The following SUPT3H variants were observed in gnomAD, a reference collection of about 807,000 sequenced individuals.
SUPT3H encodes transcription initiation protein SPT3 homolog.
Under a neutral mutation model 44.3 loss-of-function variants are expected in SUPT3H, and 44 were observed. The observed-to-expected ratio is 0.99, with a 90% confidence interval of 0.78 to 1.28. SUPT3H has a LOEUF of 1.28. Among genes scored for constraint, SUPT3H ranks in the 50% most tolerant of loss-of-function variants. The pLI is 0.00. For missense variants in SUPT3H, 380 were observed against 387.1 expected, an observed-to-expected ratio of 0.98 and a Z score of 0.15; for synonymous variants, 124 against 125.6, an observed-to-expected ratio of 0.99 and a Z score of 0.09.
At chr6:45,072,196 C>T (rs1794478544) in intron 3 of SUPT3H, among the ~76,000 whole-genome samples, 1 of 152,068 alleles carries the variant, frequency 6.6e-6, no homozygotes, top group Non-Finnish European at 1.5e-5. Context: ...AGTCAGACTC[C>T]TAAAACAATG....
intron 2 of SUPT3H, among the ~76,000 whole-genome samples, chr6:45,290,492 A>T (rs1780143236): frequency 6.7e-6 from 1 of 150,220 alleles, no homozygotes; most frequent in East Asian, 2.0e-4. Flanking sequence ...TAGGGAGTGG[A>T]ATGGAAGAGA....
chr6:44,890,155 C>T (rs1416512005), intron 10 of SUPT3H, among the ~76,000 whole-genome samples: 6 of 151,072 alleles, frequency 4.0e-5, no homozygotes, highest in East Asian at 1.9e-4. Context: ...TTTTACACTG[C>T]TGGTGGGACT....
At chr6:45,280,026 C>T (rs1446699855) in intron 2 of SUPT3H, among the ~76,000 whole-genome samples, 3 of 152,148 alleles carry the variant, frequency 2.0e-5, no homozygotes, top group African/African-American at 7.2e-5. Flanking sequence ...TATTTTCAAT[C>T]CCCACATCCA....
intron 2 of SUPT3H, among the ~76,000 whole-genome samples, chr6:45,283,421 G>A (rs1253877435): frequency 2.0e-5 from 3 of 151,956 alleles, no homozygotes; most frequent in Admixed American, 6.6e-5. Context: ...ACAAAAAAAG[G>A]CAGGGGTTGC....
chr6:45,204,006 G>A (rs926519103), intron 2 of SUPT3H, among the ~76,000 whole-genome samples: 1 of 152,154 alleles, frequency 6.6e-6, no homozygotes, highest in African/African-American at 2.4e-5. Context: ...CCAGCACTTT[G>A]GGAGGCCGAA....
chr6:44,886,160 G>A (rs1039043497), intron 10 of SUPT3H, among the ~76,000 whole-genome samples: 4 of 152,148 alleles, frequency 2.6e-5, no homozygotes, highest in African/African-American at 7.2e-5. Context: ...TGAAAGTGAC[G>A]GGGGAGAATG....
At chr6:44,892,722 T>A (rs1171066806) in intron 10 of SUPT3H, among the ~76,000 whole-genome samples, 1 of 152,160 alleles carries the variant, frequency 6.6e-6, no homozygotes, top group South Asian at 2.1e-4. Flanking sequence ...GAAGCCCACA[T>A]AGGTCAAGTG....
intron 2 of SUPT3H, among the ~76,000 whole-genome samples, chr6:45,219,379 G>C (rs889074514): frequency 6.6e-6 from 1 of 151,214 alleles, no homozygotes; most frequent in Non-Finnish European, 1.5e-5. Flanking sequence ...AATCACAAAC[G>C]CCAGGAATGA....
chr6:45,190,343 T>C (rs1814920855), intron 2 of SUPT3H, among the ~76,000 whole-genome samples: 1 of 152,138 alleles, frequency 6.6e-6, no homozygotes, highest in African/African-American at 2.4e-5. Flanking sequence ...GGAATTCTCA[T>C]TGGCCCAAAG....
chr6:45,017,588 T>A (rs986648135), intron 4 of SUPT3H, among the ~76,000 whole-genome samples: 16 of 151,888 alleles, frequency 1.1e-4, no homozygotes, highest in African/African-American at 3.1e-4. Flanking sequence ...CCCAGCACCA[T>A]TTATTAAATA....
At chr6:45,008,094 T>G (rs1782973092) in intron 5 of SUPT3H, among the ~76,000 whole-genome samples, 1 of 152,184 alleles carries the variant, frequency 6.6e-6, no homozygotes, top group Admixed American at 6.5e-5. Flanking sequence ...TGATAGACAT[T>G]TGGGCTATTT....
Position 45,075,422 on chromosome 6 carries a change from C to A in SUPT3H, c.186+30500G>T, listed in dbSNP as rs114756722. Among the ~76,000 whole-genome samples the A allele has an allele frequency of 2.5e-3, 388 of 152,192 alleles. 2 individuals carry two copies. Among genetic ancestry groups the A allele is most frequent in the African/African-American group, 8.5e-3 (354 of 41,562 alleles). ...ATACTTAGGTTTCTCCAGACTAGAA[C>A]ATTTCCAACACAACAGTATTAATCA... On this transcript the variant is annotated intron_variant, in intron 3 of 10. Transcript: ENST00000371459.
At chr6:45,195,753 G>A (rs1287692726) in intron 2 of SUPT3H, among the ~76,000 whole-genome samples, 1 of 152,088 alleles carries the variant, frequency 6.6e-6, no homozygotes, top group African/African-American at 2.4e-5. Context: ...AATACTTGAA[G>A]TTAAAACTAG....
At position 44,815,442 on chromosome 6, in the gene SUPT3H, G is replaced by A. The variant is rs145543025; in HGVS notation, c.*53-5941C>T. 3.6e-3 allele frequency among the ~76,000 whole-genome samples: 546 copies of A among 152,082 alleles called. 8 individuals carry two copies. Among genetic ancestry groups the A allele is most frequent in the African/African-American group, 0.012 (509 of 41,500 alleles). On this transcript the variant is annotated intron_variant and NMD_transcript_variant, in intron 11 of 11. Coordinates refer to the SUPT3H transcript ENST00000475057. ...GTTAAAAAGCAACACCTAACTATAG[G>A]CTATCAGTGAAAAAGATACTTTAAA...
At chr6:45,332,892 G>A (rs1031475296) in intron 2 of SUPT3H, among the ~76,000 whole-genome samples, 3 of 151,564 alleles carry the variant, frequency 2.0e-5, no homozygotes, top group Non-Finnish European at 4.4e-5. Context: ...TTCTCAATAC[G>A]TTACCTTAAT....
At chr6:44,906,490 G>A (rs181335617) in intron 10 of SUPT3H, among the ~76,000 whole-genome samples, 12 of 152,248 alleles carry the variant, frequency 7.9e-5, no homozygotes, top group African/African-American at 1.7e-4. Context: ...GTGGCTGGGC[G>A]CGGTGGCTCA....
chr6:45,085,853 A>G (rs757417266), intron 3 of SUPT3H, among the ~76,000 whole-genome samples: 3 of 152,118 alleles, frequency 2.0e-5, no homozygotes, highest in Non-Finnish European at 4.4e-5. Flanking sequence ...GTCTGGGGAA[A>G]AGGTATTACA....
intron 2 of SUPT3H, among the ~76,000 whole-genome samples, chr6:45,125,413 G>T (rs1235614872): frequency 6.6e-6 from 1 of 151,920 alleles, no homozygotes; most frequent in African/African-American, 2.4e-5. Context: ...TTGGTTTTTG[G>T]GTTGTATTAC....
chr6:45,351,976 G>A (rs947958138), intron 2 of SUPT3H, among the ~76,000 whole-genome samples: 1 of 151,974 alleles, frequency 6.6e-6, no homozygotes, highest in African/African-American at 2.4e-5. Flanking sequence ...TAATTCTACC[G>A]CTGACACAAC....
Sources: allele counts gnomAD v4.1 joint callset (sites outside exome capture counted in the v4.1 genomes callset), GRCh38; gene constraint gnomAD v4.1.1; transcripts MANE v1.5; gene names NCBI Gene and HGNC (gene_info 2026-07-23, HGNC 2026-07-21).